Variants in PDXDC1 observed in about 807,000 individuals in gnomAD.
The protein encoded by PDXDC1 is pyridoxal-dependent decarboxylase domain-containing protein 1.
A neutral mutation model predicts 100.1 loss-of-function variants in PDXDC1; 42 were observed. The observed-to-expected ratio is 0.42, with a 90% CI of 0.33 to 0.54. The LOEUF (loss-of-function observed/expected upper bound fraction) is 0.54. Ranked by LOEUF, PDXDC1 falls within the 20% of genes least tolerant of loss-of-function variation. PDXDC1 has a pLI of 0.10. For synonymous variants in PDXDC1, 260 were observed against 371.7 expected (o/e 0.70, Z 3.46); for missense variants, 636 against 979.2 (o/e 0.65, Z 4.68).
At chr16:15,017,918 C>G (rs1320117017) in intron 11 of PDXDC1, among the ~76,000 whole-genome samples, 1 of 152,192 alleles carries the variant, frequency 6.6e-6, no homozygotes, top group African/African-American at 2.4e-5. Flanking sequence ...CCTCAGCCTC[C>G]CAAGTAGCTG....
At chr16:15,131,370 G>C in intron 16 of PDXDC1, 2 of 1,587,552 alleles carry the variant, frequency 1.3e-6, no homozygotes, top group South Asian at 1.1e-5. Context: ...CAAAGGGAAA[G>C]GGATTGGAGT....
intron 1 of PDXDC1, among the ~76,000 whole-genome samples, chr16:14,984,495 ATTTTT>A (rs1159521017): frequency 1.4e-5 from 1 of 73,498 alleles, no homozygotes; most frequent in African/African-American, 5.0e-5. Context: ...ATATATATAT[ATTTTT>A]TTTTTTTTTT....
At chr16:15,086,696 C>G (rs937121771) in intron 16 of PDXDC1, among the ~76,000 whole-genome samples, 2 of 152,146 alleles carry the variant, frequency 1.3e-5, no homozygotes, top group Non-Finnish European at 1.5e-5. Flanking sequence ...AATACTTCAG[C>G]CTGATCACTT....
intron 19 of PDXDC1, among the ~76,000 whole-genome samples, chr16:15,033,651 A>G (rs774526870): frequency 2.0e-5 from 3 of 152,208 alleles, no homozygotes; most frequent in Non-Finnish European, 4.4e-5. Flanking sequence ...ACCCTGCCTT[A>G]GAGAAGAGGG....
chr16:15,012,735 C>T (rs1378460338), intron 8 of PDXDC1, among the ~76,000 whole-genome samples: 2 of 152,250 alleles, frequency 1.3e-5, no homozygotes, highest in Admixed American at 6.5e-5. Flanking sequence ...ACCTGTAGTC[C>T]CAGCTACTCC....
At chr16:15,099,751 A>G (rs569734405) in intron 16 of PDXDC1, among the ~76,000 whole-genome samples, 12 of 152,316 alleles carry the variant, frequency 7.9e-5, no homozygotes, top group Middle Eastern at 3.4e-3. Flanking sequence ...TGAGTAATAT[A>G]TTGTTTGTAA....
At position 15,026,781 on chromosome 16, in the gene PDXDC1, A is replaced by G. The variant is rs114356597; in HGVS notation, c.1204+75A>G. On this transcript the variant is annotated intron_variant, in intron 14 of 22. Coordinates refer to ENST00000396410, the MANE Select transcript of PDXDC1 (RefSeq NM_015027.4). ...TGAATTTGATACCATTTCAAGTTAA[A>G]TAGTTCAAAATATTTTTATTGCTGA... 1,977 of 1,369,434 alleles carry G rather than the reference A, an allele frequency of 1.4e-3. 34 individuals carry two copies. In the African/African-American group the frequency reaches 0.026, roughly 18 times the overall value. The allele number at this position is 1,369,434 out of a possible 1,614,324, so 84.8% of individuals were successfully genotyped here. A position where few individuals can be genotyped will look rare whatever the true frequency, so the allele number is the denominator to read the frequency against.
intron 16 of PDXDC1, among the ~76,000 whole-genome samples, chr16:15,100,734 T>C (rs534941445): frequency 3.9e-5 from 6 of 152,234 alleles, no homozygotes; most frequent in African/African-American, 1.2e-4. Flanking sequence ...GTCCCAGCTA[T>C]ATGGGAGGGT....
chr16:15,144,728 G>T, the PDXDC1 span, among the ~76,000 whole-genome samples: 2 of 152,192 alleles, frequency 1.3e-5, no homozygotes, highest in African/African-American at 4.8e-5. Flanking sequence ...GCACAGGGAT[G>T]GAGACTCCGG....
chr16:15,039,111 C>T (rs2043687801), downstream of PDXDC1, among the ~76,000 whole-genome samples: 1 of 152,208 alleles, frequency 6.6e-6, no homozygotes, highest in Non-Finnish European at 1.5e-5. Context: ...CATACAGTGC[C>T]TGCTGCCCCA....
At chr16:15,144,485 C>T in the PDXDC1 span, among the ~76,000 whole-genome samples, 1 of 152,112 alleles carries the variant, frequency 6.6e-6, no homozygotes, top group Non-Finnish European at 1.5e-5. Flanking sequence ...ACCCTGGCCC[C>T]ACGAGGGGTG....
chr16:15,068,772 C>T (rs984067174), intron 16 of PDXDC1, among the ~76,000 whole-genome samples: 5 of 152,116 alleles, frequency 3.3e-5, no homozygotes, highest in Non-Finnish European at 7.3e-5. Flanking sequence ...TCTACCTCAA[C>T]GGACGGCAAA....
chr16:15,032,870 T>C lies in PDXDC1; in HGVS notation c.1581T>C (p.His527=), dbSNP rs1348697803. 3.8e-6 allele frequency: 6 copies of C among 1,575,388 alleles called. No individual in the cohort carries two copies. Among genetic ancestry groups the C allele is most frequent in the Non-Finnish European group, 5.2e-6 (6 of 1,144,760 alleles). ...WSGIGVVRYE[H]ANDDKSSLKS... ...TTTGATGTTGTTTTAGGTATGAACA[T>C]GCTAATGATGATAAGAGCAGTTTGA... Residue 527 remains histidine (H), a synonymous_variant, in exon 18 of 23, where the codon CAT becomes CAC. Transcript: ENST00000396410.
At chr16:15,059,917 G>A (rs1180891982) in intron 16 of PDXDC1, 3 of 170,472 alleles carry the variant, frequency 1.8e-5, no homozygotes, top group African/African-American at 4.8e-5. Flanking sequence ...CAAGCTCCCC[G>A]CCACACCAGC....
chr16:15,119,408 A>ATTTTTTT (rs1203506902), intron 16 of PDXDC1, among the ~76,000 whole-genome samples: 1 of 139,592 alleles, frequency 7.2e-6, no homozygotes, highest in Non-Finnish European at 1.6e-5. Context: ...AAAAAAAAAA[A>ATTTTTTT]TTTTTTTTGT....
At chr16:15,032,089 G>A (rs1465927218) in intron 17 of PDXDC1, 183 bp downstream of exon 17, 5 of 602,878 alleles carry the variant, frequency 8.3e-6, no homozygotes, top group African/African-American at 3.7e-5. Context: ...TTTGGCCAGC[G>A]TGGCGCTCAG....
chr16:15,144,068 C>T (rs1324820128), downstream of PDXDC1, among the ~76,000 whole-genome samples: 1 of 152,148 alleles, frequency 6.6e-6, no homozygotes, highest in Non-Finnish European at 1.5e-5. Context: ...AGGGAGGCCC[C>T]ATGCCCCCTG....
At chr16:14,987,495 A>G (rs1462561317) in intron 1 of PDXDC1, among the ~76,000 whole-genome samples, 6 of 152,300 alleles carry the variant, frequency 3.9e-5, no homozygotes, top group Non-Finnish European at 1.5e-5. Flanking sequence ...ATTAGTAATT[A>G]TAAGGATCAT....
chr16:15,150,054 G>C, the PDXDC1 span, among the ~76,000 whole-genome samples: 1 of 151,920 alleles, frequency 6.6e-6, no homozygotes, highest in South Asian at 2.1e-4. Context: ...AGACATCATC[G>C]GACATTTAAA....
Sources: allele counts gnomAD v4.1 joint callset (sites outside exome capture counted in the v4.1 genomes callset), GRCh38; gene constraint gnomAD v4.1.1; transcripts MANE v1.5; gene names NCBI Gene and HGNC (gene_info 2026-07-23, HGNC 2026-07-21).